NLK: variants seen among roughly 807,000 people sequenced by gnomAD.
The protein encoded by NLK is nemo like kinase.
A neutral mutation model predicts 59.0 loss-of-function variants in NLK; 11 were observed. The observed-to-expected ratio is 0.19, with a 90% CI of 0.12 to 0.31. The LOEUF is 0.31. Among genes scored for constraint, NLK ranks in the 10% least tolerant of loss-of-function variants. The pLI, the probability that NLK is intolerant of heterozygous loss-of-function variation, is 1.00. For synonymous variants in NLK, 235 were observed against 235.9 expected (o/e 1.00, Z 0.03); for missense variants, 410 against 661.1 (o/e 0.62, Z 4.16).
chr17:28,108,894 C>T (rs1476755074), intron 1 of NLK, among the ~76,000 whole-genome samples: 4 of 152,078 alleles, frequency 2.6e-5, no homozygotes. Flanking sequence ...TTAGGCCGGG[C>T]GCAGTGGCTC....
chr17:28,132,198 C>G (rs1012006455), intron 2 of NLK, among the ~76,000 whole-genome samples: 3 of 152,228 alleles, frequency 2.0e-5, no homozygotes, highest in African/African-American at 7.2e-5. Context: ...GGGATGATGC[C>G]TATTTTGTTC....
At chr17:28,053,372 T>C (rs1280484217) in intron 1 of NLK, among the ~76,000 whole-genome samples, 1 of 152,164 alleles carries the variant, frequency 6.6e-6, no homozygotes, top group East Asian at 1.9e-4. Flanking sequence ...TTGGAGGCAT[T>C]TTTCCTTTTC....
intron 7 of NLK, among the ~76,000 whole-genome samples, 151 bp downstream of exon 7, chr17:28,172,769 A>G (rs1348715878): frequency 6.6e-6 from 1 of 152,064 alleles, no homozygotes; most frequent in African/African-American, 2.4e-5. Context: ...AAAATGTTCA[A>G]TATTTGTCAA....
chr17:28,087,250 AT>A (rs1910548348), intron 1 of NLK, among the ~76,000 whole-genome samples: 1 of 152,142 alleles, frequency 6.6e-6, no homozygotes. Context: ...ATCTGATTTA[AT>A]TTTTTAACTT....
intron 1 of NLK, among the ~76,000 whole-genome samples, chr17:28,093,798 A>C (rs1046441256): frequency 3.3e-5 from 5 of 152,196 alleles, no homozygotes; most frequent in Non-Finnish European, 7.3e-5. Flanking sequence ...ATTGCACACC[A>C]AAGACTCACC....
intron 7 of NLK, among the ~76,000 whole-genome samples, chr17:28,183,766 G>GT (rs1315571511): frequency 1.3e-5 from 2 of 151,908 alleles, no homozygotes; most frequent in Non-Finnish European, 2.9e-5. Flanking sequence ...TAAGAGATTA[G>GT]TTTTTTGTTT....
Position 28,096,412 on chromosome 17 carries a change from A to C in NLK, c.459-26191A>C, listed in dbSNP as rs34497628. The stretch of plus-strand genomic sequence containing the variant: ...ATTGTCGTTATTGTGACTCAGTGGT[A>C]TAGACTTGAGTTTTCAAAAATGAAG... On this transcript the variant is annotated intron_variant, in intron 1 of 10. Coordinates refer to ENST00000407008, the MANE Select transcript of NLK (RefSeq NM_016231.5). 6.6e-3 allele frequency among the ~76,000 whole-genome samples: 999 copies of C among 152,352 alleles called. 17 individuals are homozygous for C. The highest frequency in any genetic ancestry group is 0.022 in the African/African-American group (933 of 41,576).
intron 7 of NLK, among the ~76,000 whole-genome samples, chr17:28,177,438 A>T (rs1908727912): frequency 6.6e-6 from 1 of 152,232 alleles, no homozygotes; most frequent in Admixed American, 6.5e-5. Flanking sequence ...GGCTTAAGCG[A>T]AAAAGGGAAC....
intron 1 of NLK, among the ~76,000 whole-genome samples, chr17:28,057,830 A>T (rs1909494109): frequency 6.6e-6 from 1 of 152,174 alleles, no homozygotes; most frequent in Non-Finnish European, 1.5e-5. Context: ...TGTTTCCCCA[A>T]GGGTAATGAT....
At chr17:28,055,085 A>AT (rs1241363925) in intron 1 of NLK, among the ~76,000 whole-genome samples, 71 of 136,706 alleles carry the variant, frequency 5.2e-4, no homozygotes, top group Middle Eastern at 8.1e-3. Flanking sequence ...TGTTGTGGGG[A>AT]TTTTTTTTTC....
chr17:28,074,206 A>G (rs1910098309), intron 1 of NLK, among the ~76,000 whole-genome samples: 1 of 152,214 alleles, frequency 6.6e-6, no homozygotes, highest in Admixed American at 6.5e-5. Flanking sequence ...GAACATTCAC[A>G]TCCCAATTCT....
chr17:28,198,819 C>T (rs1178235728), downstream of NLK, among the ~76,000 whole-genome samples: 1 of 152,204 alleles, frequency 6.6e-6, no homozygotes, highest in Admixed American at 6.5e-5. Context: ...CTTATAGAGA[C>T]CTCACCTCTT....
rs1033262199 is a variant in NLK, at chr17:28,113,786, C to A, written c.459-8817C>A. 7.2e-5 allele frequency among the ~76,000 whole-genome samples: 11 copies of A among 152,292 alleles called. No individual in the cohort carries two copies. In the East Asian group the frequency reaches 2.1e-3, roughly 29 times the overall value. ...ATCTCAGCCTCATTTTACCCAACCC[C>A]CATTCAAGATGGAGTTGCTCTAATT... On this transcript the variant is annotated intron_variant, in intron 1 of 10. Coordinates refer to ENST00000407008, the MANE Select transcript of NLK (RefSeq NM_016231.5).
intron 1 of NLK, among the ~76,000 whole-genome samples, chr17:28,086,138 A>G (rs547347137): frequency 1.6e-4 from 24 of 152,356 alleles, no homozygotes; most frequent in Non-Finnish European, 2.8e-4. Context: ...GTGTGTTTTA[A>G]TAAATAAGAC....
chr17:28,072,907 G>T (rs1218128472), intron 1 of NLK, among the ~76,000 whole-genome samples: 1 of 151,870 alleles, frequency 6.6e-6, no homozygotes, highest in Admixed American at 6.6e-5. Flanking sequence ...GTCTTTGTTG[G>T]TCTAATACAT....
intron 3 of NLK, among the ~76,000 whole-genome samples, chr17:28,153,547 A>G (rs922434632): frequency 6.6e-6 from 1 of 152,198 alleles, no homozygotes; most frequent in Non-Finnish European, 1.5e-5. Flanking sequence ...ATCACCTCCC[A>G]AAGGTCCCAC....
chr17:28,148,063 A>G (rs1215116616), intron 3 of NLK, among the ~76,000 whole-genome samples: 1 of 152,208 alleles, frequency 6.6e-6, no homozygotes, highest in Non-Finnish European at 1.5e-5. Flanking sequence ...TCAGTGTGGC[A>G]TATTTCATTT....
chr17:28,131,661 T>C (rs1906523918), intron 2 of NLK, among the ~76,000 whole-genome samples: 1 of 151,902 alleles, frequency 6.6e-6, no homozygotes, highest in African/African-American at 2.4e-5. Context: ...CACAATTTAT[T>C]TCCTGTTAAG....
At chr17:28,202,790 T>C in the NLK span, among the ~76,000 whole-genome samples, 8 of 151,260 alleles carry the variant, frequency 5.3e-5, no homozygotes, top group Middle Eastern at 3.4e-3. Context: ...TCAAGCGATT[T>C]TCCTGCCTCA....
Sources: allele counts gnomAD v4.1 joint callset (sites outside exome capture counted in the v4.1 genomes callset), GRCh38; gene constraint gnomAD v4.1.1; transcripts MANE v1.5; gene names NCBI Gene and HGNC (gene_info 2026-07-23, HGNC 2026-07-21).